CSMD3: variants seen among roughly 807,000 people sequenced by gnomAD.
The protein encoded by CSMD3 is CUB and Sushi multiple domains 3, also known as CUB and sushi domain-containing protein 3.
CSMD3 carries 177 observed loss-of-function variants against 435.2 expected under a neutral mutation model. The ratio of observed to expected loss-of-function variants is 0.41; its 90% CI spans 0.36 to 0.46. The LOEUF is 0.46. CSMD3 is among the 20% of genes least tolerant of loss of function. CSMD3 has a pLI of 0.34. For missense variants in CSMD3, 4,265 were observed against 4,504.6 expected (o/e 0.95, Z 1.52); for synonymous variants, 1,656 against 1,520.5 (o/e 1.09, Z -2.07).
At chr8:112,350,981 T>TA (rs921117347) in intron 40 of CSMD3, among the ~76,000 whole-genome samples, 194 bp downstream of exon 40, 6 of 151,790 alleles carry the variant, frequency 4.0e-5, no homozygotes, top group African/African-American at 1.2e-4. Context: ...AATTTTAAAT[T>TA]AAAAAAAAGA....
chr8:113,417,064 G>A (rs1442394358), intron 1 of CSMD3, among the ~76,000 whole-genome samples: 1 of 151,878 alleles, frequency 6.6e-6, no homozygotes, highest in African/African-American at 2.4e-5. Flanking sequence ...GATGCCTAGA[G>A]ACAAAAATAA....
intron 59 of CSMD3, among the ~76,000 whole-genome samples, chr8:112,274,977 C>T (rs1340867414): frequency 6.7e-6 from 1 of 149,850 alleles, no homozygotes; most frequent in Non-Finnish European, 1.5e-5. Context: ...TGTTTGACTA[C>T]AAGAGCATTT....
intron 24 of CSMD3, among the ~76,000 whole-genome samples, chr8:112,557,511 A>G (rs993216504): frequency 3.9e-5 from 6 of 152,006 alleles, no homozygotes; most frequent in Non-Finnish European, 5.9e-5. Flanking sequence ...TGGCCGGGTC[A>G]TATACATACA....
At chr8:112,780,834 A>ACT (rs1382442647) in intron 13 of CSMD3, among the ~76,000 whole-genome samples, 1 of 151,952 alleles carries the variant, frequency 6.6e-6, no homozygotes, top group Non-Finnish European at 1.5e-5. Context: ...GACTAGCCCT[A>ACT]CTACCATAGG....
intron 1 of CSMD3, among the ~76,000 whole-genome samples, chr8:113,373,154 T>C (rs1421137721): frequency 6.6e-6 from 1 of 152,028 alleles, no homozygotes; most frequent in Non-Finnish European, 1.5e-5. Flanking sequence ...TAAACAACAG[T>C]AAAGGAAAAA....
In CSMD3 at chr8:112,839,192, G is replaced by A. The variant is rs187199707; in HGVS notation, c.1756-9403C>T. On this transcript the variant is annotated intron_variant, in intron 11 of 70. Coordinates refer to ENST00000297405, the MANE Select transcript of CSMD3 (RefSeq NM_198123.2). ...AGGGCTCATATTTTAGAGATGGGGTGGAGGAGAGTCTGGGGACACTGAGAG... is the reference window on the plus strand; with the variant it reads ...AGGGCTCATATTTTAGAGATGGGGTAGAGGAGAGTCTGGGGACACTGAGAG... 8.0e-3 allele frequency among the ~76,000 whole-genome samples: 1,219 copies of A among 151,784 alleles called. 15 individuals are homozygous for A. The highest frequency in any genetic ancestry group is 8.9e-3 in the Non-Finnish European group (602 of 67,776).
chr8:112,397,406 C>G (rs527760157), intron 35 of CSMD3, among the ~76,000 whole-genome samples: 1 of 152,122 alleles, frequency 6.6e-6, no homozygotes, highest in Non-Finnish European at 1.5e-5. Flanking sequence ...TTCATGTGAT[C>G]TTGGCAGAAA....
chr8:113,062,891 C>T (rs976145069), intron 5 of CSMD3, among the ~76,000 whole-genome samples: 1 of 151,480 alleles, frequency 6.6e-6, no homozygotes, highest in African/African-American at 2.4e-5. Flanking sequence ...TCTGAAAATA[C>T]ACAAAAGTAT....
intron 45 of CSMD3, among the ~76,000 whole-genome samples, chr8:112,334,977 AAAC>A (rs1446052136): frequency 1.3e-5 from 2 of 152,202 alleles, no homozygotes; most frequent in Non-Finnish European, 2.9e-5. Context: ...TGAATAGATT[AAAC>A]ATTTTGTATA....
In CSMD3 at chr8:112,292,806, A is replaced by G. The variant is rs1285737297; in HGVS notation, c.8615-96T>C. On this transcript the variant is annotated intron_variant, in intron 54 of 70. Transcript: ENST00000297405. ...TATTGATTATACTTAATCATTTCAA[A>G]CAAAGTAGAAAGAAGACTACTTTTT... 1.3e-5 allele frequency: 14 copies of G among 1,093,926 alleles called. No homozygotes were observed. The East Asian group carries it at 3.5e-4, about 28-fold the overall frequency. 67.8% of individuals were successfully genotyped at this position (1,093,926 alleles called of 1,614,324 possible). A position where few individuals can be genotyped will look rare whatever the true frequency, so the allele number is the denominator to read the frequency against.
chr8:113,270,854 T>A lies in CSMD3; in HGVS notation c.514+7738A>T, dbSNP rs531374616. Among the ~76,000 whole-genome samples the A allele has an allele frequency of 5.3e-5, 8 of 152,008 alleles. No homozygotes were observed. In the South Asian group the frequency reaches 1.7e-3, roughly 32 times the overall value. ...GTGGGAGGAGGGGGGAGGGATAGCA[T>A]TAAGAGATATACCTAATGTAAATGA... On this transcript the variant is annotated intron_variant, in intron 3 of 70. Transcript: ENST00000297405.
At chr8:112,968,942 A>T (rs1312058297) in intron 7 of CSMD3, among the ~76,000 whole-genome samples, 4 of 151,982 alleles carry the variant, frequency 2.6e-5, no homozygotes, top group Non-Finnish European at 1.5e-5. Flanking sequence ...ATACTTTATA[A>T]AAGTCTTAAT....
intron 24 of CSMD3, among the ~76,000 whole-genome samples, chr8:112,562,623 A>G (rs1410044251): frequency 6.6e-6 from 1 of 151,506 alleles, no homozygotes; most frequent in Non-Finnish European, 1.5e-5. Context: ...GGAGACATGA[A>G]TATTATATTA....
At chr8:112,297,611 G>A (rs983014474) in intron 53 of CSMD3, among the ~76,000 whole-genome samples, 2 of 152,046 alleles carry the variant, frequency 1.3e-5, no homozygotes, top group Non-Finnish European at 2.9e-5. Flanking sequence ...AAAACCTCCA[G>A]TGCAATACAT....
intron 1 of CSMD3, among the ~76,000 whole-genome samples, chr8:113,433,534 T>C (rs990449989): frequency 4.6e-5 from 7 of 152,214 alleles, no homozygotes; most frequent in African/African-American, 1.4e-4. Flanking sequence ...TAGTATCTCC[T>C]TGGAGTCTCA....
intron 4 of CSMD3, among the ~76,000 whole-genome samples, chr8:113,153,074 GAA>G (rs765475595): frequency 1.4e-5 from 1 of 69,842 alleles, no homozygotes; most frequent in South Asian, 4.9e-4. Context: ...AAAAAAGAAA[GAA>G]AAAGAAAGAA....
chr8:112,406,878 C>T (rs1259060685), intron 34 of CSMD3, 151 bp from the exon 35 acceptor site: 3 of 455,508 alleles, frequency 6.6e-6, no homozygotes, highest in Admixed American at 3.7e-5. Context: ...TTTTAAATTT[C>T]AGACAGAATA....
At chr8:113,253,349 G>A (rs2093350732) in intron 3 of CSMD3, among the ~76,000 whole-genome samples, 1 of 151,974 alleles carries the variant, frequency 6.6e-6, no homozygotes. Context: ...ATTTACATTA[G>A]GTGTATCTCC....
At chr8:112,634,177 T>A (rs1381401098) in intron 22 of CSMD3, among the ~76,000 whole-genome samples, 1 of 151,756 alleles carries the variant, frequency 6.6e-6, no homozygotes, top group Admixed American at 6.6e-5. Context: ...TTCCTAAAAG[T>A]GGACATCTGC....
Sources: allele counts gnomAD v4.1 joint callset (sites outside exome capture counted in the v4.1 genomes callset), GRCh38; gene constraint gnomAD v4.1.1; transcripts MANE v1.5; gene names NCBI Gene and HGNC (gene_info 2026-07-23, HGNC 2026-07-21).